CAST: variants seen among roughly 807,000 people sequenced by gnomAD.
CAST encodes the protein calpastatin, also known as MIR583 host.
CAST carries 76 observed loss-of-function variants against 119.6 expected under a neutral mutation model. That is an observed-to-expected ratio of 0.64 (90% CI 0.53 to 0.77). The LOEUF is 0.77. Ranked by LOEUF, CAST falls within the 30% of genes least tolerant of loss-of-function variation. The pLI is 0.00. For missense variants in CAST, 953 were observed against 946.5 expected (o/e 1.01, Z -0.09); for synonymous variants, 319 against 331.6 (o/e 0.96, Z 0.41).
At chr5:96,438,780 C>T in the CAST span, among the ~76,000 whole-genome samples, 19 of 152,146 alleles carry the variant, frequency 1.2e-4, no homozygotes, top group East Asian at 3.9e-4. Flanking sequence ...AATAATATTT[C>T]GGTGTAAAAA....
chr5:96,120,753 C>CATAT, the CAST span, among the ~76,000 whole-genome samples: 5 of 147,514 alleles, frequency 3.4e-5, no homozygotes, highest in Admixed American at 6.8e-5. Flanking sequence ...AATATACATA[C>CATAT]ATATATATAT....
At chr5:96,509,928 G>A in the CAST span, among the ~76,000 whole-genome samples, 4 of 152,126 alleles carry the variant, frequency 2.6e-5, no homozygotes, top group South Asian at 8.3e-4. Flanking sequence ...TAATTTACAC[G>A]GTCTTACCCT....
At chr5:96,328,259 C>T in the CAST span, among the ~76,000 whole-genome samples, 1 of 152,148 alleles carries the variant, frequency 6.6e-6, no homozygotes, top group African/African-American at 2.4e-5. Context: ...CAGGGAATTG[C>T]CCAGAAGGCC....
the CAST span, among the ~76,000 whole-genome samples, chr5:96,174,794 T>G: frequency 3.9e-5 from 6 of 152,250 alleles, no homozygotes; most frequent in African/African-American, 1.4e-4. Context: ...CCTAACCATG[T>G]ACAATCTCTG....
intron 3 of CAST, among the ~76,000 whole-genome samples, chr5:96,703,217 C>G (rs1342322578): frequency 6.8e-6 from 1 of 146,598 alleles, no homozygotes; most frequent in African/African-American, 2.7e-5. Context: ...TGGCCCGGTA[C>G]AAGTGGCCCG....
At chr5:96,629,114 T>C (rs1463125161) in intron 1 of CAST, among the ~76,000 whole-genome samples, 1 of 152,130 alleles carries the variant, frequency 6.6e-6, no homozygotes, top group Non-Finnish European at 1.5e-5. Context: ...AGGTGGAGCC[T>C]AATAAAAGAT....
intron 1 of CAST, among the ~76,000 whole-genome samples, chr5:96,561,645 G>A (rs1002012851): frequency 9.2e-5 from 14 of 151,720 alleles, no homozygotes; most frequent in African/African-American, 3.1e-4. Flanking sequence ...AAACCACCAT[G>A]GCATGTGTAT....
chr5:96,143,630 A>G, the CAST span, among the ~76,000 whole-genome samples: 1 of 152,222 alleles, frequency 6.6e-6, no homozygotes, highest in Non-Finnish European at 1.5e-5. Flanking sequence ...ACCATTAACA[A>G]TGGTGCTTGG....
chr5:96,454,153 G>T, the CAST span, among the ~76,000 whole-genome samples: 5 of 151,914 alleles, frequency 3.3e-5, no homozygotes, highest in Non-Finnish European at 5.9e-5. Context: ...TCTATGTGTT[G>T]TTCTTAAAAC....
chr5:96,034,321 A>T, the CAST span, among the ~76,000 whole-genome samples: 1 of 151,920 alleles, frequency 6.6e-6, no homozygotes, highest in African/African-American at 2.4e-5. Context: ...GTTGATGAGG[A>T]TGTGGAGAAA....
the CAST span, among the ~76,000 whole-genome samples, chr5:96,163,611 T>G: frequency 1.3e-5 from 2 of 152,256 alleles, no homozygotes; most frequent in African/African-American, 4.8e-5. Flanking sequence ...AAAAGGATAT[T>G]GTTTTTAACA....
chr5:96,414,620 T>C, the CAST span, among the ~76,000 whole-genome samples: 2 of 152,184 alleles, frequency 1.3e-5, no homozygotes, highest in Non-Finnish European at 1.5e-5. Context: ...TCAGTAGGCT[T>C]GGAATCTTGT....
chr5:96,400,902 A>G, the CAST span, among the ~76,000 whole-genome samples: 2 of 151,712 alleles, frequency 1.3e-5, no homozygotes, highest in Non-Finnish European at 2.9e-5. Context: ...CTTGGCTAAC[A>G]CGGTGAAACC....
the CAST span, among the ~76,000 whole-genome samples, chr5:96,165,296 T>C: frequency 4.7e-4 from 71 of 152,088 alleles, no homozygotes; most frequent in Non-Finnish European, 1.8e-4. Flanking sequence ...TGAGTGCCTT[T>C]TTTTATTAGG....
At chr5:96,292,954 T>C in the CAST span, among the ~76,000 whole-genome samples, 4 of 152,254 alleles carry the variant, frequency 2.6e-5, no homozygotes, top group Non-Finnish European at 1.5e-5. Context: ...TCCCGACTGA[T>C]ATAGTTCTCC....
the CAST span, among the ~76,000 whole-genome samples, chr5:96,045,124 G>A: frequency 5.9e-5 from 9 of 152,052 alleles, no homozygotes; most frequent in Admixed American, 3.3e-4. Context: ...AGGCTGAGGC[G>A]GATGGATCAC....
At chr5:96,467,731 A>G in the CAST span, among the ~76,000 whole-genome samples, 4 of 152,016 alleles carry the variant, frequency 2.6e-5, no homozygotes, top group African/African-American at 9.7e-5. Context: ...AAAAAAAACA[A>G]TAGCTGTTGG....
chr5:96,289,561 G>A, the CAST span, among the ~76,000 whole-genome samples: 3 of 152,196 alleles, frequency 2.0e-5, no homozygotes, highest in Admixed American at 1.3e-4. Context: ...TGTAAGATGC[G>A]ACTTGCTCCT....
the CAST span, among the ~76,000 whole-genome samples, chr5:96,304,823 AC>A: frequency 6.6e-6 from 1 of 152,272 alleles, no homozygotes; most frequent in East Asian, 1.9e-4. Flanking sequence ...CTGTTTTGGT[AC>A]CAGTACCATG....
Sources: gnomAD v4.1 joint callset for allele counts (sites outside exome capture counted in the v4.1 genomes callset) on GRCh38, gnomAD v4.1.1 for gene constraint, MANE v1.5 for transcripts, NCBI Gene and HGNC (gene_info 2026-07-23, HGNC 2026-07-21) for gene names.